TSNARE1: variants seen among roughly 807,000 people sequenced by gnomAD.
TSNARE1 encodes the protein t-SNARE domain-containing protein 1.
Under a neutral mutation model 62.0 loss-of-function variants are expected in TSNARE1, and 49 were observed. The ratio of observed to expected loss-of-function variants is 0.79; its 90% CI spans 0.63 to 1.00. The LOEUF (loss-of-function observed/expected upper bound fraction) is 1.00, where lower values mean the gene tolerates loss of function less well. TSNARE1 is among the 50% of genes least tolerant of loss of function. The pLI is 0.00. For missense variants in TSNARE1, 755 were observed against 700.1 expected (o/e 1.08, Z -0.88); for synonymous variants, 328 against 294.4 (o/e 1.11, Z -1.17).
intron 4 of TSNARE1, among the ~76,000 whole-genome samples, chr8:142,340,179 C>A (rs139698100): frequency 1.3e-5 from 2 of 152,174 alleles, no homozygotes; most frequent in African/African-American, 2.4e-5. Flanking sequence ...TGGAGACAGG[C>A]GAGCACCAGT....
At chr8:142,330,993 G>A (rs1480748634) in intron 5 of TSNARE1, 23 bp from the exon 6 acceptor site, 1 of 1,611,944 alleles carries the variant, frequency 6.2e-7, no homozygotes. Context: ...AGAGGGACAG[G>A]GTGAGGGCAG....
At chr8:142,404,142 C>T (rs1197259203), upstream of TSNARE1, 1 of 152,276 alleles carries the variant, frequency 6.6e-6, no homozygotes. Flanking sequence ...CAAAGCCCTG[C>T]GGGCAGCCCT....
At position 142,344,376 on chromosome 8, in the gene TSNARE1, C is replaced by G. The variant is rs748214933; in HGVS notation, c.335G>C (p.Arg112Pro). The stretch of plus-strand genomic sequence containing the variant: ...CCGGGTAGTGCTGGGCCCCGCCATC[C>G]GGCCATGGGGCCCAGCAGCCGAGTC... The part of the protein sequence containing the change: ...RKDSAAGPHG[R>P]MAGPSTTRAK... Residue 112 changes from arginine to proline, a missense_variant, in exon 4 of 14, where the codon CGG (arginine) becomes CCG (proline). Transcript: ENST00000524325. 1.3e-6 allele frequency: 2 copies of G among 1,572,144 alleles called. No individual in the cohort carries two copies. The highest frequency in any genetic ancestry group is 1.7e-6 in the Non-Finnish European group (2 of 1,163,694).
intron 12 of TSNARE1, among the ~76,000 whole-genome samples, chr8:142,257,773 C>A (rs1184571909): frequency 6.6e-6 from 1 of 152,112 alleles, no homozygotes; most frequent in African/African-American, 2.4e-5. Flanking sequence ...GGCCAGGCCA[C>A]CCCTGCCAGA....
At chr8:142,371,857 C>T (rs563963359) in intron 1 of TSNARE1, among the ~76,000 whole-genome samples, 2 of 152,306 alleles carry the variant, frequency 1.3e-5, no homozygotes, top group South Asian at 4.1e-4. Flanking sequence ...TGCAGTAAAG[C>T]TTTGCTGGCA....
chr8:142,318,734 G>T (rs555084312), intron 6 of TSNARE1, 100 bp from the exon 7 acceptor site: 66 of 1,070,566 alleles, frequency 6.2e-5, no homozygotes, highest in East Asian at 4.4e-4. Context: ...CGGGCCGAGT[G>T]GGGGAGACAG....
Position 142,300,554 on chromosome 8 carries a change from G to A in TSNARE1, c.1222C>T (p.Leu408Phe), listed in dbSNP as rs757201568. 3 of 1,612,754 alleles carry A rather than the reference G, an allele frequency of 1.9e-6. No individual in the cohort carries two copies. The highest frequency in any genetic ancestry group is 2.2e-5 in the South Asian group (2 of 91,076). ...NMWQGQEQALLPDITEEDLEA... is the reference protein window; with the variant it reads ...NMWQGQEQALFPDITEEDLEA... ...AGGTCCTCTTCAGTGATGTCCGGGA[G>A]CAGCGCCTGCTCCTGGCCCTGCCAC... Residue 408 changes from leucine (L) to phenylalanine (F), a missense_variant, in exon 10 of 14, where the codon CTC becomes TTC. Transcript: ENST00000524325.
chr8:142,393,080 T>G (rs1837654586), intron 1 of TSNARE1, among the ~76,000 whole-genome samples: 1 of 152,044 alleles, frequency 6.6e-6, no homozygotes, highest in African/African-American at 2.4e-5. Flanking sequence ...CTACCTAAAC[T>G]ATTCAAAATA....
intron 1 of TSNARE1, among the ~76,000 whole-genome samples, chr8:142,357,123 G>A (rs973864439): frequency 1.3e-5 from 2 of 152,214 alleles, no homozygotes; most frequent in Non-Finnish European, 2.9e-5. Context: ...TCCGAGGAAG[G>A]AGAGTTCCAG....
At chr8:142,281,982 C>T (rs771010799) in intron 11 of TSNARE1, among the ~76,000 whole-genome samples, 107 of 152,194 alleles carry the variant, frequency 7.0e-4, no homozygotes, top group Non-Finnish European at 1.2e-3. Flanking sequence ...AGACTGTGGG[C>T]CTCCCACTTC....
chr8:142,273,469 C>T, intron 12 of TSNARE1: 1 of 985,432 alleles, frequency 1.0e-6, no homozygotes, highest in Non-Finnish European at 1.2e-6. Flanking sequence ...AGGGCTGAGG[C>T]CAAACAGCCC....
intron 1 of TSNARE1, among the ~76,000 whole-genome samples, chr8:142,360,231 G>A (rs1835049107): frequency 6.6e-6 from 1 of 152,272 alleles, no homozygotes; most frequent in Admixed American, 6.5e-5. Context: ...AGGAGGGAGG[G>A]CTGGGCAGGC....
At chr8:142,374,387 T>C (rs1415960082) in intron 1 of TSNARE1, among the ~76,000 whole-genome samples, 1 of 150,924 alleles carries the variant, frequency 6.6e-6, no homozygotes, top group African/African-American at 2.4e-5. Flanking sequence ...ACTTTAGAAG[T>C]GGGAAATGCG....
intron 1 of TSNARE1, among the ~76,000 whole-genome samples, chr8:142,397,312 G>T (rs530438277): frequency 6.6e-6 from 1 of 152,294 alleles, no homozygotes; most frequent in East Asian, 1.9e-4. Flanking sequence ...ACCTTCCACA[G>T]CCCCTCTGTG....
rs1177510892 is a variant in TSNARE1 at position 142,267,868 on chromosome 8, G to A, written c.1446+6913C>T. Among the ~76,000 whole-genome samples the A allele has an allele frequency of 2.0e-5, 3 of 152,218 alleles. No individual in the cohort carries two copies. In the East Asian group the frequency reaches 5.8e-4, roughly 29 times the overall value. On this transcript the variant is annotated intron_variant, in intron 12 of 13. Transcript: ENST00000524325. Reference sequence around the variant, plus strand: ...TACGAATCCCACTGAAATCCCATCTGGGATAGGTCGGCAACCCTCAAGGTC... The same window carrying A: ...TACGAATCCCACTGAAATCCCATCTAGGATAGGTCGGCAACCCTCAAGGTC...
chr8:142,370,943 C>T (rs186221652), intron 1 of TSNARE1, among the ~76,000 whole-genome samples: 9 of 152,034 alleles, frequency 5.9e-5, no homozygotes, highest in Admixed American at 2.0e-4. Flanking sequence ...TAACTACCTT[C>T]GGAAAACAGC....
At chr8:142,275,260 C>T in intron 11 of TSNARE1, 1 of 985,456 alleles carries the variant, frequency 1.0e-6, no homozygotes, top group Non-Finnish European at 1.2e-6. Context: ...AAGCCCCTGC[C>T]TTAACGTCTG....
intron 9 of TSNARE1, among the ~76,000 whole-genome samples, chr8:142,312,853 C>T (rs943416606): frequency 6.6e-6 from 1 of 152,220 alleles, no homozygotes; most frequent in Admixed American, 6.5e-5. Flanking sequence ...TCTCAATAAG[C>T]TGAGACACAA....
rs1039383245 is a variant in TSNARE1, at chr8:142,319,311, C to G, written c.894-677G>C. Reference sequence around the variant, plus strand: ...CAGGGAGGCCAGCAGTCCCCACCCCCCTGCACACCTCTGAGGGGTGCACAC... The same window carrying G: ...CAGGGAGGCCAGCAGTCCCCACCCCGCTGCACACCTCTGAGGGGTGCACAC... On this transcript the variant is annotated intron_variant, in intron 6 of 13. Coordinates refer to ENST00000524325, the MANE Select transcript of TSNARE1 (RefSeq NM_145003.5). This position sits in a 1 kb window ranked among gnomAD's most constrained non-coding sequence, Gnocchi z 4.9. Among the ~76,000 whole-genome samples, 4 of 152,016 alleles carry G rather than the reference C, an allele frequency of 2.6e-5. No homozygotes were observed. The highest frequency in any genetic ancestry group is 6.5e-5 in the Admixed American group (1 of 15,274).
Sources: allele counts gnomAD v4.1 joint callset (sites outside exome capture counted in the v4.1 genomes callset), GRCh38; gene constraint gnomAD v4.1.1; non-coding constraint Gnocchi (gnomAD v3.1); transcripts MANE v1.5; gene names NCBI Gene and HGNC (gene_info 2026-07-23, HGNC 2026-07-21).